Variants in PTPRT observed in about 807,000 individuals in gnomAD.
PTPRT encodes protein tyrosine phosphatase receptor type T.
Under a neutral mutation model 176.8 loss-of-function variants are expected in PTPRT, and 56 were observed. The ratio of observed to expected loss-of-function variants is 0.32; its 90% CI spans 0.26 to 0.40. The LOEUF is 0.40. PTPRT is among the 10% of genes least tolerant of loss of function. The probability of loss-of-function intolerance (pLI) is 1.00; values close to 1 mark genes in which losing one functional copy is unlikely to be tolerated. For synonymous variants in PTPRT, 783 were observed against 739.0 expected (o/e 1.06, Z -0.96); for missense variants, 1,540 against 1,908.2 (o/e 0.81, Z 3.60).
chr20:42,248,057 A>G (rs535335333), intron 14 of PTPRT, among the ~76,000 whole-genome samples: 18 of 152,222 alleles, frequency 1.2e-4, no homozygotes, highest in Non-Finnish European at 2.4e-4. Flanking sequence ...ACACAGTATG[A>G]GCAAACTAGT....
chr20:42,756,453 G>A lies in PTPRT; in HGVS notation c.859+9C>T, dbSNP rs760216495. 7.8e-6 allele frequency: 12 copies of A among 1,538,594 alleles called. No homozygotes were observed. The highest frequency in any genetic ancestry group is 1.1e-5 in the Non-Finnish European group (12 of 1,137,236). ...CATGGCAGTAGAGGCGCAGGCTGGA[G>A]GCACTCACCTTTCACGATCAGCTCC... On this transcript the variant is annotated intron_variant, in intron 6 of 30. Transcript: ENST00000373187.
chr20:42,554,716 G>A (rs1249480523), intron 7 of PTPRT, among the ~76,000 whole-genome samples: 2 of 152,066 alleles, frequency 1.3e-5, no homozygotes, highest in African/African-American at 2.4e-5. Context: ...CATTGGAAGT[G>A]GTACATTTTT....
chr20:42,309,655 T>C (rs2057597032), intron 12 of PTPRT, among the ~76,000 whole-genome samples: 1 of 152,204 alleles, frequency 6.6e-6, no homozygotes, highest in Non-Finnish European at 1.5e-5. Context: ...AAGTATATAT[T>C]ACTATTTCAA....
chr20:42,694,176 C>G lies in PTPRT; in HGVS notation c.860-16017G>C, dbSNP rs530516839. ...GCCTCAGCCTCTCAAGTAGCTGGGA[C>G]TACAGGCACCCGCCACCATGCCCGG... On this transcript the variant is annotated intron_variant, in intron 6 of 30. Transcript: ENST00000373187. 7.9e-5 allele frequency among the ~76,000 whole-genome samples: 12 copies of G among 151,958 alleles called. No homozygotes were observed. The South Asian group carries it at 2.5e-3, about 32-fold the overall frequency.
At chr20:42,045,802 T>TC in the PTPRT span, among the ~76,000 whole-genome samples, 1 of 152,272 alleles carries the variant, frequency 6.6e-6, no homozygotes, top group South Asian at 2.1e-4. Flanking sequence ...CTCCTTTTTT[T>TC]CCCAAAGCAA....
At chr20:42,944,557 C>A (rs2145999846) in intron 1 of PTPRT, among the ~76,000 whole-genome samples, 1 of 152,288 alleles carries the variant, frequency 6.6e-6, no homozygotes, top group Admixed American at 6.5e-5. Context: ...TGTTCCCTGG[C>A]CTCACTGGTC....
intron 7 of PTPRT, among the ~76,000 whole-genome samples, chr20:42,673,424 G>A (rs1021271966): frequency 1.3e-5 from 2 of 152,192 alleles, no homozygotes; most frequent in Admixed American, 1.3e-4. Flanking sequence ...ACAGGTCTGA[G>A]AATGTGCATT....
At position 42,448,295 on chromosome 20, in the gene PTPRT, C is replaced by G; in HGVS notation, c.1485G>C (p.Gly495=). ...TGTAGATCTTCTCCTCAAAGGGCCC[C>G]CCTTGGATGGATTCTAGAGGAACAG... ...PGAVPLESIQ[G]GPFEEKIYIQ... is the part of the protein sequence containing the mutation. The change falls in exon 9 of 31, where the codon GGG becomes GGC. Residue 495 remains glycine, a synonymous_variant. Coordinates refer to ENST00000373187, the MANE Select transcript of PTPRT (RefSeq NM_007050.6). 1.9e-6 allele frequency: 3 copies of G among 1,613,306 alleles called. No individual in the cohort carries two copies. Among genetic ancestry groups the G allele is most frequent in the Non-Finnish European group, 2.5e-6 (3 of 1,179,474 alleles).
At chr20:42,101,963 A>T (rs1353722687) in intron 26 of PTPRT, among the ~76,000 whole-genome samples, 161 bp downstream of exon 26, 1 of 152,172 alleles carries the variant, frequency 6.6e-6, no homozygotes, top group Non-Finnish European at 1.5e-5. Flanking sequence ...CTAGGTTTGG[A>T]CCAGAGCCTG....
rs116571146 is a variant in PTPRT at position 42,796,178 on chromosome 20, C to T, written c.215-4712G>A. On this transcript the variant is annotated intron_variant, in intron 2 of 30. Transcript: ENST00000373187. ...AGAGACTACAGGGTCTAGGAATGCA[C>T]TTTCCTAACCAGTAGCTAATAACGC... is the stretch of plus-strand genomic sequence containing the variant. 2.6e-3 allele frequency among the ~76,000 whole-genome samples: 394 copies of T among 152,276 alleles called. 4 individuals are homozygous for T. The highest frequency in any genetic ancestry group is 9.0e-3 in the African/African-American group (373 of 41,564).
chr20:42,446,137 T>G (rs2070728641), intron 9 of PTPRT, among the ~76,000 whole-genome samples: 1 of 152,208 alleles, frequency 6.6e-6, no homozygotes, highest in Non-Finnish European at 1.5e-5. Context: ...TGTGCAGAGA[T>G]ATGACTCCAC....
At chr20:42,838,406 T>C (rs2078219015) in intron 2 of PTPRT, among the ~76,000 whole-genome samples, 2 of 152,164 alleles carry the variant, frequency 1.3e-5, no homozygotes, top group South Asian at 4.1e-4. Flanking sequence ...CCCCTCTGGG[T>C]ACCCTTTTAA....
At chr20:42,235,440 T>C (rs1188974452) in intron 15 of PTPRT, among the ~76,000 whole-genome samples, 1 of 152,072 alleles carries the variant, frequency 6.6e-6, no homozygotes, top group Admixed American at 6.5e-5. Context: ...TTTGTATTTT[T>C]AGTAGAGATG....
chr20:42,276,037 C>T (rs1842809109), intron 13 of PTPRT, among the ~76,000 whole-genome samples: 1 of 152,108 alleles, frequency 6.6e-6, no homozygotes, highest in Non-Finnish European at 1.5e-5. Flanking sequence ...AGAGTCTTTC[C>T]TCTCACAAGT....
In PTPRT at chr20:43,115,400, C is replaced by T. The variant is rs77530706; in HGVS notation, c.88+74246G>A. On this transcript the variant is annotated intron_variant, in intron 1 of 30. Coordinates refer to ENST00000373187, the MANE Select transcript of PTPRT (RefSeq NM_007050.6). ...TTTAAATCCAAAGCCCATCAAGAAA[C>T]GTTCTCTGGGAGTTCTCCACTTTGT... Among the ~76,000 whole-genome samples, 779 of 152,296 alleles carry T rather than the reference C, an allele frequency of 5.1e-3. 5 individuals are homozygous for T. The highest frequency in any genetic ancestry group is 0.017 in the African/African-American group (718 of 41,568).
intron 9 of PTPRT, among the ~76,000 whole-genome samples, chr20:42,420,154 C>T (rs925809174): frequency 1.4e-4 from 22 of 152,130 alleles, no homozygotes; most frequent in African/African-American, 5.1e-4. Context: ...AAAATCATAT[C>T]GGGTTGCTAT....
intron 6 of PTPRT, among the ~76,000 whole-genome samples, chr20:42,709,330 T>C (rs1053256882): frequency 5.9e-5 from 9 of 152,192 alleles, no homozygotes; most frequent in African/African-American, 2.2e-4. Flanking sequence ...GTTTCGGTCA[T>C]AGGGGTGGAT....
At chr20:42,924,568 G>C (rs114639870) in intron 1 of PTPRT, among the ~76,000 whole-genome samples, 1 of 152,160 alleles carries the variant, frequency 6.6e-6, no homozygotes, top group East Asian at 1.9e-4. Context: ...TGGCTTAAGC[G>C]TAAGTGAAAT....
chr20:42,973,082 G>C (rs1304612922), intron 1 of PTPRT, among the ~76,000 whole-genome samples: 1 of 151,882 alleles, frequency 6.6e-6, no homozygotes. Flanking sequence ...GATTAATCAG[G>C]AGGCTACCAC....
Sources: allele counts gnomAD v4.1 joint callset (sites outside exome capture counted in the v4.1 genomes callset), GRCh38; gene constraint gnomAD v4.1.1; transcripts MANE v1.5; gene names NCBI Gene and HGNC (gene_info 2026-07-23, HGNC 2026-07-21).